Variants in RGS5 observed in about 807,000 individuals in gnomAD.
RGS5 encodes the protein regulator of G protein signaling 5, also known as regulator of G-protein signalling 5.
RGS5 carries 20 observed loss-of-function variants against 18.9 expected under a neutral mutation model. The observed-to-expected ratio is 1.06, with a 90% confidence interval of 0.74 to 1.54. The LOEUF (loss-of-function observed/expected upper bound fraction) is 1.54, where lower values mean the gene tolerates loss of function less well. RGS5 is among the 40% of genes most tolerant of loss of function. The pLI, the probability that RGS5 is intolerant of heterozygous loss-of-function variation, is 0.00. For synonymous variants in RGS5, 57 were observed against 76.2 expected (o/e 0.75, Z 1.31); for missense variants, 201 against 211.8 (o/e 0.95, Z 0.32).
At chr1:163,214,066 A>T (rs573742818) in intron 1 of RGS5, among the ~76,000 whole-genome samples, 49 of 152,160 alleles carry the variant, frequency 3.2e-4, no homozygotes, top group Non-Finnish European at 5.7e-4. Flanking sequence ...TCTTCTATTT[A>T]TTTCCCTACT....
intron 2 of RGS5, among the ~76,000 whole-genome samples, chr1:163,246,133 C>T (rs371333825): frequency 2.6e-5 from 4 of 151,378 alleles, no homozygotes; most frequent in African/African-American, 4.9e-5. Flanking sequence ...AGGAGAATGG[C>T]GTAAGTAAAC....
intron 1 of RGS5, among the ~76,000 whole-genome samples, chr1:163,215,484 G>T (rs2101674395): frequency 6.6e-6 from 1 of 152,270 alleles, no homozygotes; most frequent in South Asian, 2.1e-4. Context: ...TAGTGTGTCA[G>T]TGGGAAAACA....
chr1:163,300,812 T>C (rs777511011), intron 2 of RGS5: 1 of 152,236 alleles, frequency 6.6e-6, no homozygotes, highest in Non-Finnish European at 1.5e-5. Flanking sequence ...CTGGGACTGA[T>C]AAAATCACGT....
rs548566702 is a variant in RGS5 at position 163,307,046 on chromosome 1, T to C, written c.-377-717A>G. Among the ~76,000 whole-genome samples the C allele has an allele frequency of 7.2e-5, 11 of 152,318 alleles. No individual in the cohort carries two copies. The East Asian group carries it at 2.1e-3, about 29-fold the overall frequency. On this transcript the variant is annotated intron_variant, in intron 1 of 5. Coordinates refer to the RGS5 transcript ENST00000618415. ...TTCTAATCTCCTAATTTCTGAATTA[T>C]ATATATTCTGAATATATAAAAAGGG...
rs1292241473 is a variant in RGS5 at position 163,189,283 on chromosome 1, T to C, written c.44+13509A>G. On this transcript the variant is annotated intron_variant, in intron 1 of 4. Transcript: ENST00000313961. Reference sequence around the variant, plus strand: ...TTGGCTTCCCCTCATGGGTTGTACATATGCTAATAAAAACGATAAGAGTAG... The same window carrying C: ...TTGGCTTCCCCTCATGGGTTGTACACATGCTAATAAAAACGATAAGAGTAG... 2.0e-5 allele frequency among the ~76,000 whole-genome samples: 3 copies of C among 152,282 alleles called. No individual in the cohort carries two copies. In the East Asian group the frequency reaches 5.8e-4, roughly 29 times the overall value.
chr1:163,204,578 T>C (rs1327348799), upstream of RGS5, among the ~76,000 whole-genome samples: 1 of 152,164 alleles, frequency 6.6e-6, no homozygotes, highest in African/African-American at 2.4e-5. Flanking sequence ...TTGAACTCTT[T>C]GCTTCAAGCA....
chr1:163,284,219 T>A (rs1011830284), intron 2 of RGS5, among the ~76,000 whole-genome samples: 2 of 152,310 alleles, frequency 1.3e-5, no homozygotes, highest in African/African-American at 4.8e-5. Flanking sequence ...GCCCAACATT[T>A]CACTTACCGG....
rs145966889 is a variant in RGS5 at position 163,223,505 on chromosome 1, G to C, written c.-280-55137C>G. On this transcript the variant is annotated intron_variant, in intron 2 of 5. Transcript: ENST00000618415. ...AAGTGTAGGGCTTGGTAGGTGTGTA[G>C]GGCACAAATGATACATATTTTTCAG... is the stretch of plus-strand genomic sequence containing the variant. Among the ~76,000 whole-genome samples the C allele has an allele frequency of 2.3e-3, 350 of 151,698 alleles. 1 individual carries two copies. The highest frequency in any genetic ancestry group is 3.5e-3 in the Non-Finnish European group (237 of 67,848).
chr1:163,201,322 A>G (rs780770644), intron 1 of RGS5, among the ~76,000 whole-genome samples: 5 of 152,074 alleles, frequency 3.3e-5, no homozygotes, highest in African/African-American at 4.8e-5. Context: ...TAGGCTTTCT[A>G]TATACTAGGT....
At chr1:163,284,008 T>C (rs1384067919) in intron 2 of RGS5, among the ~76,000 whole-genome samples, 2 of 151,944 alleles carry the variant, frequency 1.3e-5, no homozygotes, top group Non-Finnish European at 2.9e-5. Context: ...TATGAGATCA[T>C]AAACGTGTTA....
upstream of RGS5, among the ~76,000 whole-genome samples, chr1:163,221,158 A>T (rs1157355339): frequency 6.6e-6 from 1 of 152,140 alleles, no homozygotes; most frequent in Non-Finnish European, 1.5e-5. Context: ...CTATCAGCCA[A>T]CTTCTTTCCT....
chr1:163,186,877 C>A (rs4657249), intron 1 of RGS5, among the ~76,000 whole-genome samples: 1 of 152,088 alleles, frequency 6.6e-6, no homozygotes, highest in Non-Finnish European at 1.5e-5. Flanking sequence ...AAAAATCACA[C>A]CCCGTATGTG....
chr1:163,313,133 G>T (rs1190173829), intron 1 of RGS5, among the ~76,000 whole-genome samples: 4 of 152,078 alleles, frequency 2.6e-5, no homozygotes, highest in African/African-American at 9.7e-5. Flanking sequence ...ATATCAATTG[G>T]GGTAGAAATG....
chr1:163,237,014 G>A lies in RGS5; in HGVS notation c.-280-68646C>T, dbSNP rs1256693811. On this transcript the variant is annotated intron_variant, in intron 2 of 5. Coordinates refer to the RGS5 transcript ENST00000618415. The stretch of plus-strand genomic sequence containing the variant: ...TAAGAAAAAGGGTTCAACATCATTA[G>A]GTGTCAAAAAAAGGCACATTGAAAC... 2.0e-5 allele frequency among the ~76,000 whole-genome samples: 3 copies of A among 151,332 alleles called. 1 individual carries two copies. The highest frequency in any genetic ancestry group is 4.2e-4 in the South Asian group (2 of 4,804).
intron 1 of RGS5, among the ~76,000 whole-genome samples, chr1:163,319,442 G>T (rs1650126151): frequency 6.6e-6 from 1 of 152,242 alleles, no homozygotes; most frequent in Non-Finnish European, 1.5e-5. Context: ...GAAGAGGAAT[G>T]AAGAAAGGGT....
At chr1:163,278,008 T>A (rs766544695) in intron 2 of RGS5, among the ~76,000 whole-genome samples, 7 of 151,830 alleles carry the variant, frequency 4.6e-5, no homozygotes, top group Non-Finnish European at 8.8e-5. Context: ...AAAGCCTACA[T>A]TCTGAAATTT....
chr1:163,228,151 C>T (rs1221928970), intron 2 of RGS5, among the ~76,000 whole-genome samples: 1 of 152,224 alleles, frequency 6.6e-6, no homozygotes, highest in Non-Finnish European at 1.5e-5. Context: ...TAGGCAGTCC[C>T]CCTGTGGGAC....
intron 1 of RGS5, among the ~76,000 whole-genome samples, chr1:163,180,495 A>C (rs1043482570): frequency 6.6e-6 from 1 of 152,042 alleles, no homozygotes; most frequent in Non-Finnish European, 1.5e-5. Context: ...GTGTACACCC[A>C]AATCACTTGG....
At chr1:163,199,544 C>A (rs1205943819) in intron 1 of RGS5, among the ~76,000 whole-genome samples, 1 of 151,928 alleles carries the variant, frequency 6.6e-6, no homozygotes, top group Non-Finnish European at 1.5e-5. Flanking sequence ...ACCCTTTAAT[C>A]TTATGGAAAA....
Sources: allele counts gnomAD v4.1 joint callset (sites outside exome capture counted in the v4.1 genomes callset), GRCh38; gene constraint gnomAD v4.1.1; transcripts MANE v1.5; gene names NCBI Gene and HGNC (gene_info 2026-07-23, HGNC 2026-07-21).